TMEM108: variants seen among roughly 807,000 people sequenced by gnomAD.
TMEM108 encodes cancer/testis antigen 124.
Under a neutral mutation model 35.1 loss-of-function variants are expected in TMEM108, and 12 were observed. That is an observed-to-expected ratio of 0.34 (90% CI 0.22 to 0.55). The LOEUF (loss-of-function observed/expected upper bound fraction) is 0.55. TMEM108 is among the 20% of genes least tolerant of loss of function. The pLI is 0.89. For missense variants in TMEM108, 680 were observed against 753.3 expected (o/e 0.90, Z 1.14); for synonymous variants, 287 against 308.6 (o/e 0.93, Z 0.73).
chr3:133,211,259 C>T (rs1447681214), intron 2 of TMEM108, among the ~76,000 whole-genome samples: 2 of 152,100 alleles, frequency 1.3e-5, no homozygotes, highest in African/African-American at 4.8e-5. Flanking sequence ...TATGACCTTA[C>T]CTCCCTTTCT....
intron 3 of TMEM108, among the ~76,000 whole-genome samples, chr3:133,303,030 G>A (rs1347719876): frequency 6.6e-6 from 1 of 152,136 alleles, no homozygotes; most frequent in Admixed American, 6.5e-5. Flanking sequence ...TACTGGTAAA[G>A]CCTGAAGTGT....
intron 2 of TMEM108, among the ~76,000 whole-genome samples, chr3:133,048,165 T>G (rs1239190930): frequency 2.0e-5 from 3 of 152,304 alleles, no homozygotes; most frequent in Admixed American, 6.5e-5. Flanking sequence ...AAATTGCATT[T>G]GACAAGGTGA....
intron 3 of TMEM108, among the ~76,000 whole-genome samples, chr3:133,300,755 G>T (rs1199022212): frequency 2.0e-5 from 3 of 151,914 alleles, no homozygotes; most frequent in Non-Finnish European, 4.4e-5. Flanking sequence ...GAGGGATAGT[G>T]TCCTGGACTG....
At position 133,170,391 on chromosome 3, in the gene TMEM108, A is replaced by G. The variant is rs1364231465; in HGVS notation, c.-46-58875A>G. On this transcript the variant is annotated intron_variant, in intron 2 of 5. Transcript: ENST00000321871. ...AAATTTTCTAAGATGCTACCTATTC[A>G]AAGCTCTGCTGTAAACTCTAGGATC... Among the ~76,000 whole-genome samples, 10 of 152,236 alleles carry G rather than the reference A, an allele frequency of 6.6e-5. No individual in the cohort carries two copies. The East Asian group carries it at 1.5e-3, about 23-fold the overall frequency.
At chr3:133,160,529 A>G (rs1309539079) in intron 2 of TMEM108, among the ~76,000 whole-genome samples, 1 of 152,234 alleles carries the variant, frequency 6.6e-6, no homozygotes, top group African/African-American at 2.4e-5. Flanking sequence ...TTAGCCTTGG[A>G]TGCTGGGGCC....
At chr3:133,038,791 A>T (rs1311466022) in intron 1 of TMEM108, among the ~76,000 whole-genome samples, 1 of 152,148 alleles carries the variant, frequency 6.6e-6, no homozygotes, top group Non-Finnish European at 1.5e-5. Context: ...GGGGCCGAGG[A>T]GGAGGTGGCT....
At chr3:133,170,545 A>G (rs954945007) in intron 2 of TMEM108, among the ~76,000 whole-genome samples, 2 of 152,238 alleles carry the variant, frequency 1.3e-5, no homozygotes, top group African/African-American at 4.8e-5. Context: ...AATGTAGCCA[A>G]TATTTAGAAA....
At chr3:133,215,480 C>T (rs963424900) in intron 2 of TMEM108, among the ~76,000 whole-genome samples, 4 of 151,346 alleles carry the variant, frequency 2.6e-5, no homozygotes, top group Non-Finnish European at 5.9e-5. Flanking sequence ...GGAATGTATG[C>T]GTTGATTGAC....
chr3:133,158,045 A>C (rs1023490044), intron 2 of TMEM108, among the ~76,000 whole-genome samples: 1 of 152,102 alleles, frequency 6.6e-6, no homozygotes, highest in Non-Finnish European at 1.5e-5. Flanking sequence ...TATCTCCTTT[A>C]AGCCTCTTAA....
At chr3:133,315,453 G>C (rs969074693) in intron 3 of TMEM108, among the ~76,000 whole-genome samples, 1 of 152,212 alleles carries the variant, frequency 6.6e-6, no homozygotes, top group African/African-American at 2.4e-5. Context: ...GGACCAGCCT[G>C]TGTCCCCACA....
intron 2 of TMEM108, among the ~76,000 whole-genome samples, chr3:133,148,311 C>G (rs143541442): frequency 6.6e-6 from 1 of 152,204 alleles, no homozygotes; most frequent in African/African-American, 2.4e-5. Context: ...GACACAGAAG[C>G]CAATCTGAAA....
chr3:133,234,820 T>G (rs998158960), intron 3 of TMEM108, among the ~76,000 whole-genome samples: 1 of 152,192 alleles, frequency 6.6e-6, no homozygotes, highest in Non-Finnish European at 1.5e-5. Flanking sequence ...TGTCCCTGTT[T>G]GCAGACGACA....
At chr3:133,277,093 T>C (rs1445142060) in intron 3 of TMEM108, among the ~76,000 whole-genome samples, 1 of 151,626 alleles carries the variant, frequency 6.6e-6, no homozygotes, top group Non-Finnish European at 1.5e-5. Flanking sequence ...GACAAGCAAA[T>C]GCAGTATGTG....
intron 2 of TMEM108, among the ~76,000 whole-genome samples, chr3:133,070,767 GTGTGTATC>G (rs1943666386): frequency 6.6e-6 from 1 of 151,898 alleles, no homozygotes; most frequent in African/African-American, 2.4e-5. Flanking sequence ...GTGTGTGTGT[GTGTGTATC>G]TGTGTGTGTT....
chr3:133,124,530 G>T (rs1944391314), intron 2 of TMEM108, among the ~76,000 whole-genome samples: 1 of 152,164 alleles, frequency 6.6e-6, no homozygotes, highest in Non-Finnish European at 1.5e-5. Context: ...GCTCCAGTTT[G>T]CCCAACTGCT....
chr3:133,257,821 C>A (rs887702542), intron 3 of TMEM108, among the ~76,000 whole-genome samples: 1 of 152,050 alleles, frequency 6.6e-6, no homozygotes, highest in African/African-American at 2.4e-5. Flanking sequence ...AGGGGCTTTT[C>A]TTTTTTATTT....
chr3:133,258,708 C>G (rs1946582794), intron 3 of TMEM108, among the ~76,000 whole-genome samples: 1 of 152,130 alleles, frequency 6.6e-6, no homozygotes, highest in Non-Finnish European at 1.5e-5. Context: ...GTGGTCATCC[C>G]CAAAACTTTG....
chr3:133,216,215 C>T (rs1945906222), intron 2 of TMEM108, among the ~76,000 whole-genome samples: 1 of 151,990 alleles, frequency 6.6e-6, no homozygotes, highest in Non-Finnish European at 1.5e-5. Flanking sequence ...TTAATTAGAA[C>T]ATTTTTAGTG....
chr3:133,257,113 A>G (rs1467589522), intron 3 of TMEM108: 1 of 152,194 alleles, frequency 6.6e-6, no homozygotes, highest in Non-Finnish European at 1.5e-5. Context: ...TATTGATATT[A>G]TCTCATTTGA....
Sources: gnomAD v4.1 joint callset for allele counts (sites outside exome capture counted in the v4.1 genomes callset) on GRCh38, gnomAD v4.1.1 for gene constraint, MANE v1.5 for transcripts, NCBI Gene and HGNC (gene_info 2026-07-23, HGNC 2026-07-21) for gene names.